The following RAI14 variants were observed in gnomAD, a reference collection of about 807,000 sequenced individuals.
RAI14 encodes the protein retinoic acid induced 14, also known as ankycorbin.
In RAI14, 45 loss-of-function variants were observed where a neutral mutation model predicts 115.4. That is an observed-to-expected ratio of 0.39 (90% CI 0.31 to 0.50). The LOEUF (loss-of-function observed/expected upper bound fraction) is 0.50, where lower values mean the gene tolerates loss of function less well. Among genes scored for constraint, RAI14 ranks in the 20% least tolerant of loss-of-function variants. The probability of loss-of-function intolerance (pLI) is 0.85; values close to 1 mark genes in which losing one functional copy is unlikely to be tolerated. For missense variants in RAI14, 939 were observed against 1,131.2 expected (o/e 0.83, Z 2.44); for synonymous variants, 371 against 415.4 (o/e 0.89, Z 1.30).
chr5:34,770,181 G>A (rs1212660002), intron 3 of RAI14, among the ~76,000 whole-genome samples: 1 of 152,176 alleles, frequency 6.6e-6, no homozygotes, highest in African/African-American at 2.4e-5. Context: ...CCGGTGATGC[G>A]GATGCTGCTG....
intron 2 of RAI14, among the ~76,000 whole-genome samples, chr5:34,735,014 G>C (rs1744688567): frequency 1.3e-5 from 2 of 152,150 alleles, no homozygotes; most frequent in Admixed American, 6.5e-5. Context: ...GTTGAAAGAT[G>C]CTAGAGGTGG....
intron 13 of RAI14, among the ~76,000 whole-genome samples, chr5:34,819,943 GT>G (rs1756654424): frequency 6.6e-6 from 1 of 152,076 alleles, no homozygotes; most frequent in African/African-American, 2.4e-5. Context: ...AGAGATCAAT[GT>G]TAATATAACT....
intron 2 of RAI14, among the ~76,000 whole-genome samples, chr5:34,756,458 G>C (rs191189158): frequency 6.6e-6 from 1 of 152,154 alleles, no homozygotes; most frequent in East Asian, 1.9e-4. Context: ...GTCCACAGCC[G>C]AAGGGGCCAG....
At chr5:34,680,524 T>G (rs1454784742) in intron 1 of RAI14, among the ~76,000 whole-genome samples, 6 of 152,198 alleles carry the variant, frequency 3.9e-5, no homozygotes, top group Admixed American at 3.3e-4. Context: ...CCCTTAATAC[T>G]ATTACATTGG....
At chr5:34,741,532 A>T (rs1407151546) in intron 2 of RAI14, among the ~76,000 whole-genome samples, 2 of 152,222 alleles carry the variant, frequency 1.3e-5, no homozygotes, top group East Asian at 3.8e-4. Context: ...GGGAGGAAAA[A>T]GTACTCGTAG....
intron 1 of RAI14, among the ~76,000 whole-genome samples, chr5:34,672,444 A>G (rs997253488): frequency 6.6e-6 from 1 of 152,116 alleles, no homozygotes; most frequent in African/African-American, 2.4e-5. Flanking sequence ...CCCATCCTTC[A>G]TGTTAGTGCT....
chr5:34,735,557 A>T (rs1744759325), intron 2 of RAI14, among the ~76,000 whole-genome samples: 1 of 152,240 alleles, frequency 6.6e-6, no homozygotes. Flanking sequence ...TGCATGTGGT[A>T]ATTTGGAAAA....
At chr5:34,697,230 A>G (rs1238205434) in intron 2 of RAI14, among the ~76,000 whole-genome samples, 2 of 152,134 alleles carry the variant, frequency 1.3e-5, no homozygotes, top group African/African-American at 4.8e-5. Flanking sequence ...TGAGGTCGGG[A>G]GTTCGAGACC....
At chr5:34,750,219 T>C (rs933054266) in intron 2 of RAI14, among the ~76,000 whole-genome samples, 2 of 151,990 alleles carry the variant, frequency 1.3e-5, no homozygotes, top group African/African-American at 4.8e-5. Flanking sequence ...GATGACCACC[T>C]AGAAGTGATG....
In RAI14 at chr5:34,687,484, T is replaced by G. The variant is rs1737993116; in HGVS notation, c.36+529T>G. On this transcript the variant is annotated intron_variant, in intron 2 of 17. Coordinates refer to ENST00000265109, the MANE Select transcript of RAI14 (RefSeq NM_015577.3). ...TCGTACTCATTTGTTATCTAACCAA[T>G]CCATAAAAGACTCTGGATTGGAGGA... 2.5e-6 allele frequency: 3 copies of G among 1,209,404 alleles called. No individual in the cohort carries two copies. The South Asian group carries it at 7.0e-5, about 28-fold the overall frequency. The allele number at this position is 1,209,404 out of a possible 1,614,324, so 74.9% of individuals were successfully genotyped here. A position where few individuals can be genotyped will look rare whatever the true frequency, so the allele number is the denominator to read the frequency against.
intron 3 of RAI14, among the ~76,000 whole-genome samples, chr5:34,763,859 G>C (rs1391375031): frequency 6.6e-6 from 1 of 152,138 alleles, no homozygotes; most frequent in Non-Finnish European, 1.5e-5. Flanking sequence ...TAAATTGATT[G>C]TTTTGGTTTG....
rs188023027 is a variant in RAI14, at chr5:34,736,176, G to A, written c.37-21292G>A. Among the ~76,000 whole-genome samples the A allele has an allele frequency of 7.6e-3, 1,162 of 152,302 alleles. 9 individuals are homozygous for A. The highest frequency in any genetic ancestry group is 0.023 in the South Asian group (109 of 4,822). On this transcript the variant is annotated intron_variant, in intron 2 of 17. Coordinates refer to ENST00000265109, the MANE Select transcript of RAI14 (RefSeq NM_015577.3). ...AGCACTTTCGGAGGCCAAGGCGGGC[G>A]GATCACCTGAGGTCAGGAATTCGAC...
intron 5 of RAI14, among the ~76,000 whole-genome samples, chr5:34,805,384 C>A (rs1458642513): frequency 2.6e-5 from 4 of 152,188 alleles, no homozygotes; most frequent in African/African-American, 7.2e-5. Flanking sequence ...TGCTGCCCCC[C>A]ACTCCTATAC....
At chr5:34,710,355 AT>A (rs1414808210) in intron 2 of RAI14, among the ~76,000 whole-genome samples, 1 of 152,094 alleles carries the variant, frequency 6.6e-6, no homozygotes, top group East Asian at 1.9e-4. Context: ...CTCTGTATGT[AT>A]CCGTCTTGGT....
intron 2 of RAI14, among the ~76,000 whole-genome samples, chr5:34,687,375 C>T (rs1737973386): frequency 1.3e-5 from 2 of 152,078 alleles, no homozygotes; most frequent in South Asian, 2.1e-4. Context: ...CTTTAGGAAA[C>T]GTGTTCAACT....
In RAI14 at chr5:34,813,575, A is replaced by G. The variant is rs1580344755; in HGVS notation, c.767A>G (p.His256Arg). The change falls in exon 11 of 18, where the codon CAT (histidine) becomes CGT (arginine). Residue 256 changes from histidine to arginine, a missense_variant and splice_region_variant. Coordinates refer to ENST00000265109, the MANE Select transcript of RAI14 (RefSeq NM_015577.3). ...DLKTPTKPKQHDQVSKISSER... is the reference protein window; with the variant it reads ...DLKTPTKPKQRDQVSKISSER... ...TCTTTGGACTGTGATAACTTTCAGC[A>G]TGACCAAGTCTCTAAAATAAGCTCA... 6.2e-7 allele frequency: 1 copy of G among 1,611,736 alleles called. No homozygotes were observed. The highest frequency in any genetic ancestry group is 8.5e-7 in the Non-Finnish European group (1 of 1,178,362).
rs1023800501 is a variant in RAI14, at chr5:34,791,502, T to TA, written c.168-4427dup. The stretch of plus-strand genomic sequence containing the variant: ...CAAACTATATGTGGCAATTAAAACT[T>TA]AAAAAAAAAAGCCTGAATTGGCTCT... On this transcript the variant is annotated intron_variant, in intron 3 of 17. Coordinates refer to ENST00000265109, the MANE Select transcript of RAI14 (RefSeq NM_015577.3). This position sits in a 1 kb window ranked among gnomAD's most constrained non-coding sequence, Gnocchi z 5.4. Among the ~76,000 whole-genome samples, 91 of 147,420 alleles carry TA rather than the reference T, an allele frequency of 6.2e-4. No homozygotes were observed. The highest frequency in any genetic ancestry group is 1.5e-3 in the African/African-American group (62 of 40,232).
intron 8 of RAI14, 40 bp downstream of exon 8, chr5:34,811,158 T>C (rs904199750): frequency 1.9e-6 from 3 of 1,589,224 alleles, no homozygotes; most frequent in Non-Finnish European, 2.6e-6. Flanking sequence ...ACTTCAGTGA[T>C]ACCCACATTC....
intron 4 of RAI14, among the ~76,000 whole-genome samples, chr5:34,798,845 G>A (rs1753853658): frequency 6.6e-6 from 1 of 152,298 alleles, no homozygotes; most frequent in South Asian, 2.1e-4. Context: ...TGAAATTGGT[G>A]GAATCCACAG....
Sources: allele counts gnomAD v4.1 joint callset (sites outside exome capture counted in the v4.1 genomes callset), GRCh38; gene constraint gnomAD v4.1.1; non-coding constraint Gnocchi (gnomAD v3.1); transcripts MANE v1.5; gene names NCBI Gene and HGNC (gene_info 2026-07-23, HGNC 2026-07-21).